The following EXT2 variants were observed in gnomAD, a reference collection of about 807,000 sequenced individuals.
The protein encoded by EXT2 is exostosin-2.
In EXT2, 53 loss-of-function variants were observed where a neutral mutation model predicts 81.6. The ratio of observed to expected loss-of-function variants is 0.65; its 90% CI spans 0.52 to 0.82. The LOEUF is 0.82. Ranked by LOEUF, EXT2 falls within the 40% of genes least tolerant of loss-of-function variation. The pLI is 0.00. For synonymous variants in EXT2, 320 were observed against 340.0 expected (o/e 0.94, Z 0.65); for missense variants, 774 against 910.2 (o/e 0.85, Z 1.93).
At chr11:44,179,568 A>G (rs964001445) in intron 8 of EXT2, among the ~76,000 whole-genome samples, 2 of 152,226 alleles carry the variant, frequency 1.3e-5, no homozygotes, top group Admixed American at 6.5e-5. Flanking sequence ...ACTATCACTT[A>G]TATTAGCACA....
At chr11:44,224,327 G>A (rs1955815638) in intron 10 of EXT2, among the ~76,000 whole-genome samples, 1 of 151,822 alleles carries the variant, frequency 6.6e-6, no homozygotes, top group South Asian at 2.1e-4. Flanking sequence ...AAAACTAGAT[G>A]GAGTATATCT....
intron 7 of EXT2, among the ~76,000 whole-genome samples, chr11:44,147,381 C>CT (rs766475990): frequency 6.6e-6 from 1 of 152,182 alleles, no homozygotes; most frequent in Non-Finnish European, 1.5e-5. Context: ...TAAGGAGACA[C>CT]TATCTTACAG....
chr11:44,207,552 T>C (rs1053348710), intron 10 of EXT2, among the ~76,000 whole-genome samples: 6 of 151,990 alleles, frequency 3.9e-5, no homozygotes, highest in Non-Finnish European at 8.8e-5. Context: ...GCAATAGGAA[T>C]TGATGGGCCC....
chr11:44,202,317 A>G (rs374087657), intron 9 of EXT2, among the ~76,000 whole-genome samples: 3 of 152,214 alleles, frequency 2.0e-5, no homozygotes, highest in Non-Finnish European at 4.4e-5. Flanking sequence ...TGAATATGCT[A>G]TACACATTCG....
chr11:44,204,623 ACC>A, intron 9 of EXT2, among the ~76,000 whole-genome samples: 2 of 152,192 alleles, frequency 1.3e-5, no homozygotes, highest in Non-Finnish European at 2.9e-5. Flanking sequence ...GGTGGGTACC[ACC>A]TGAGTTCCGC....
In EXT2 at chr11:44,114,237, G is replaced by C. The variant is rs121918280; in HGVS notation, c.679G>C (p.Asp227His). Reference sequence around the variant, plus strand: ...TACGTGGACTTACCGGCAAGGCTACGATGTCAGCATTCCTGTCTATAGTCC... The same window carrying C: ...TACGTGGACTTACCGGCAAGGCTACCATGTCAGCATTCCTGTCTATAGTCC... ...FSTWTYRQGYDVSIPVYSPLS... is the reference protein window; with the variant it reads ...FSTWTYRQGYHVSIPVYSPLS... The change falls in exon 4 of 14, where the codon GAT becomes CAT. Residue 227 changes from aspartate to histidine, a missense_variant. Physicochemically the swap from Asp to His is moderately conservative, Grantham distance 81. Coordinates refer to ENST00000533608, the MANE Select transcript of EXT2 (RefSeq NM_207122.2). 1.9e-6 allele frequency: 3 copies of C among 1,613,984 alleles called. No homozygotes were observed. The highest frequency in any genetic ancestry group is 2.7e-5 in the African/African-American group (2 of 74,898).
At chr11:44,228,331 T>A (rs985366661) in intron 10 of EXT2, among the ~76,000 whole-genome samples, 1 of 152,178 alleles carries the variant, frequency 6.6e-6, no homozygotes, top group African/African-American at 2.4e-5. Context: ...TAAAGGCATT[T>A]GGTAGTAATG....
intron 7 of EXT2, among the ~76,000 whole-genome samples, chr11:44,166,517 A>G (rs1398809983): frequency 6.6e-6 from 1 of 152,218 alleles, no homozygotes; most frequent in Non-Finnish European, 1.5e-5. Context: ...TTTGAGTAGG[A>G]GACATTCTCA....
chr11:44,127,841 G>GC (rs1565205044), intron 6 of EXT2, among the ~76,000 whole-genome samples: 1 of 152,220 alleles, frequency 6.6e-6, no homozygotes, highest in Non-Finnish European at 1.5e-5. Context: ...GTGGTGGAGA[G>GC]CCTCATGTAG....
At chr11:44,206,052 AAATCCCACAT>A (rs35050721) in intron 9 of EXT2, among the ~76,000 whole-genome samples, 6,188 of 152,310 alleles carry the variant, frequency 0.041, 439 homozygotes, top group African/African-American at 0.14. Context: ...GTATACTAGA[AAATCCCACAT>A]AATTGGACCT....
At chr11:44,230,046 G>A (rs1280854922) in intron 10 of EXT2, among the ~76,000 whole-genome samples, 1 of 152,230 alleles carries the variant, frequency 6.6e-6, no homozygotes, top group African/African-American at 2.4e-5. Flanking sequence ...AAAGGATGAG[G>A]TTGGAGGGGT....
rs752417792 is a variant in EXT2, at chr11:44,247,832, G to C, written c.*3545G>C. 5.3e-5 allele frequency among the ~76,000 whole-genome samples: 8 copies of C among 152,190 alleles called. No individual in the cohort carries two copies. Among genetic ancestry groups the C allele is most frequent in the Non-Finnish European group, 1.2e-4 (8 of 68,030 alleles). On this transcript the variant is annotated 3_prime_UTR_variant, in exon 14 of 14. Transcript: ENST00000533608. Reference sequence around the variant, plus strand: ...GATGATAGCCTCTGACAGGCACCATGCCAGGAGGAAACTAGAGCGTCTTTA... The same window carrying C: ...GATGATAGCCTCTGACAGGCACCATCCCAGGAGGAAACTAGAGCGTCTTTA...
chr11:44,198,010 C>T lies in EXT2; in HGVS notation c.1487C>T (p.Pro496Leu), dbSNP rs772530256. ...GTCTGGAATAATCAGAATAAAAACC[C>T]TCCAGAAGGTAAGAAGCCTTAGTGC... Reference protein sequence around the residue: ...LVVWNNQNKNPPEDSLWPKIR... With the variant: ...LVVWNNQNKNLPEDSLWPKIR... Residue 496 changes from proline (P) to leucine (L), a missense_variant, in exon 9 of 14, where the codon CCT becomes CTT. By Grantham distance (98) the Pro-to-Leu change is moderately conservative (BLOSUM62 -3). Coordinates refer to ENST00000533608, the MANE Select transcript of EXT2 (RefSeq NM_207122.2). 56 of 1,613,954 alleles carry T rather than the reference C, an allele frequency of 3.5e-5. No individual in the cohort carries two copies. The highest frequency in any genetic ancestry group is 6.7e-5 in the African/African-American group (5 of 74,898).
At position 44,103,177 on chromosome 11, in the gene EXT2, G is replaced by A. The variant is rs114412227; in HGVS notation, c.-30-4506G>A. 6.3e-3 allele frequency among the ~76,000 whole-genome samples: 950 copies of A among 151,806 alleles called. 12 individuals are homozygous for A. Among genetic ancestry groups the A allele is most frequent in the African/African-American group, 0.022 (899 of 41,398 alleles). ...CTTGAATAGATTTTTCTCCCCTTTG[G>A]CTGCTTTTAATATTCTTCTTTAACT... is the stretch of plus-strand genomic sequence containing the variant. On this transcript the variant is annotated intron_variant, in intron 1 of 13. Transcript: ENST00000533608.
intron 7 of EXT2, among the ~76,000 whole-genome samples, chr11:44,157,424 G>T (rs1197047924): frequency 1.3e-5 from 2 of 152,224 alleles, no homozygotes; most frequent in South Asian, 4.1e-4. Context: ...CTACGTGGCT[G>T]AGCTGGCATC....
chr11:44,131,868 G>T (rs1413172987), intron 7 of EXT2, among the ~76,000 whole-genome samples: 1 of 152,184 alleles, frequency 6.6e-6, no homozygotes, highest in Admixed American at 6.5e-5. Flanking sequence ...CTCCCGAGTA[G>T]CTGGGACTAC....
intron 3 of EXT2, among the ~76,000 whole-genome samples, chr11:44,110,722 C>A (rs151078180): frequency 6.6e-6 from 1 of 152,036 alleles, no homozygotes; most frequent in Admixed American, 6.5e-5. Context: ...ATGTTAAATG[C>A]GATTTCATTT....
intron 4 of EXT2, among the ~76,000 whole-genome samples, chr11:44,124,444 TACACACACACAC>T (rs57261356): frequency 6.2e-5 from 9 of 144,938 alleles, no homozygotes; most frequent in Admixed American, 1.4e-4. Flanking sequence ...GTTTCTCTCC[TACACACACACAC>T]ACACACACAC....
chr11:44,191,812 G>T (rs1955394920), intron 8 of EXT2, among the ~76,000 whole-genome samples: 1 of 152,130 alleles, frequency 6.6e-6, no homozygotes, highest in Non-Finnish European at 1.5e-5. Context: ...CCCAATTAAA[G>T]CTGCCTTTCT....
Sources: gnomAD v4.1 joint callset for allele counts (sites outside exome capture counted in the v4.1 genomes callset) on GRCh38, gnomAD v4.1.1 for gene constraint, MANE v1.5 for transcripts, NCBI Gene and HGNC (gene_info 2026-07-23, HGNC 2026-07-21) for gene names.